VPS13B: variants seen among roughly 807,000 people sequenced by gnomAD.
VPS13B encodes the protein intermembrane lipid transfer protein VPS13B.
VPS13B carries 285 observed loss-of-function variants against 426.4 expected under a neutral mutation model. That is an observed-to-expected ratio of 0.67 (90% CI 0.61 to 0.74). The LOEUF is 0.74. Ranked by LOEUF, VPS13B falls within the 30% of genes least tolerant of loss-of-function variation. VPS13B has a pLI of 0.00. For synonymous variants in VPS13B, 1,676 were observed against 1,676.4 expected, an observed-to-expected ratio of 1.00 and a Z score of 0.01; for missense variants, 4,537 against 4,782.6, an observed-to-expected ratio of 0.95 and a Z score of 1.51.
intron 19 of VPS13B, among the ~76,000 whole-genome samples, chr8:99,288,890 A>T (rs1819579588): frequency 6.6e-6 from 1 of 152,006 alleles, no homozygotes; most frequent in South Asian, 2.1e-4. Flanking sequence ...AAAGATATTG[A>T]TTGTCATAGT....
chr8:99,745,774 G>A (rs1349244), intron 39 of VPS13B, among the ~76,000 whole-genome samples: 9,858 of 152,008 alleles, frequency 0.065, 452 homozygotes, highest in African/African-American at 0.13. Context: ...AGTTACATCT[G>A]TTCTCCACTT....
chr8:99,570,723 A>G (rs1326528141), intron 31 of VPS13B, among the ~76,000 whole-genome samples: 1 of 152,094 alleles, frequency 6.6e-6, no homozygotes. Flanking sequence ...TTTTATGTAT[A>G]TATAAAATAG....
intron 39 of VPS13B, among the ~76,000 whole-genome samples, chr8:99,736,592 A>G (rs564456533): frequency 2.0e-5 from 3 of 152,234 alleles, no homozygotes; most frequent in Middle Eastern, 3.4e-3. Context: ...CAAAAACAAC[A>G]ACAACAAAAA....
chr8:99,172,403 G>C (rs1812389599), intron 16 of VPS13B, among the ~76,000 whole-genome samples: 1 of 152,064 alleles, frequency 6.6e-6, no homozygotes, highest in Non-Finnish European at 1.5e-5. Flanking sequence ...ACAGTCTTAG[G>C]TACCTAGTTA....
intron 3 of VPS13B, among the ~76,000 whole-genome samples, chr8:99,049,222 T>C (rs1369074711): frequency 6.6e-6 from 1 of 152,188 alleles, no homozygotes; most frequent in Admixed American, 6.5e-5. Context: ...TATACCTTTT[T>C]TTTTTTCAAA....
chr8:99,442,766 A>G (rs1817736939), intron 23 of VPS13B, 131 bp downstream of exon 23: 1 of 805,726 alleles, frequency 1.2e-6, no homozygotes, highest in Admixed American at 2.3e-5. Context: ...GACCAAAGTA[A>G]GTGAACTAAG....
At chr8:99,299,098 G>A (rs934719346) in intron 19 of VPS13B, among the ~76,000 whole-genome samples, 9 of 93,392 alleles carry the variant, frequency 9.6e-5, no homozygotes, top group African/African-American at 3.8e-4. Context: ...TTTCACTCTT[G>A]TTGCCCAGGC....
chr8:99,844,692 C>CTAA (rs1282079623), intron 54 of VPS13B, among the ~76,000 whole-genome samples: 1 of 152,106 alleles, frequency 6.6e-6, no homozygotes, highest in Non-Finnish European at 1.5e-5. Context: ...TATAAGGACA[C>CTAA]TAATTGCATC....
intron 21 of VPS13B, among the ~76,000 whole-genome samples, chr8:99,425,584 T>G (rs889601300): frequency 1.3e-5 from 2 of 152,116 alleles, no homozygotes; most frequent in South Asian, 2.1e-4. Context: ...TAAGAGCTAT[T>G]TATGACAAAC....
At chr8:99,500,392 TTGATAA>T (rs1236496806) in intron 25 of VPS13B, among the ~76,000 whole-genome samples, 4 of 152,156 alleles carry the variant, frequency 2.6e-5, no homozygotes, top group African/African-American at 9.7e-5. Context: ...TTAGTTCAAC[TTGATAA>T]TGATAATTAT....
intron 44 of VPS13B, among the ~76,000 whole-genome samples, chr8:99,812,200 A>T (rs1421422771): frequency 6.6e-6 from 1 of 152,172 alleles, no homozygotes; most frequent in Non-Finnish European, 1.5e-5. Context: ...CACACCCACA[A>T]GCAAAAATGT....
chr8:99,757,345 A>T (rs190793217), intron 39 of VPS13B, among the ~76,000 whole-genome samples: 4 of 152,290 alleles, frequency 2.6e-5, no homozygotes, highest in Admixed American at 2.0e-4. Flanking sequence ...ATCAGTTGCT[A>T]GATCTCCCCT....
At chr8:99,396,337 T>G (rs1468125747) in intron 21 of VPS13B, among the ~76,000 whole-genome samples, 1 of 152,096 alleles carries the variant, frequency 6.6e-6, no homozygotes, top group African/African-American at 2.4e-5. Context: ...AAGCAACTTA[T>G]CCAAAGTTAA....
chr8:99,608,842 T>C lies in VPS13B; in HGVS notation c.5220+31209T>C, dbSNP rs1206909294. Among the ~76,000 whole-genome samples the C allele has an allele frequency of 2.0e-5, 3 of 152,260 alleles. No homozygotes were observed. In the East Asian group the frequency reaches 5.8e-4, roughly 29 times the overall value. On this transcript the variant is annotated intron_variant, in intron 33 of 61. Transcript: ENST00000357162. Reference sequence around the variant, plus strand: ...CCTGTATCAGTATTTACTTTTATTGTTGAGTAATATTTTATTGTATAGATA... The same window carrying C: ...CCTGTATCAGTATTTACTTTTATTGCTGAGTAATATTTTATTGTATAGATA...
intron 19 of VPS13B, among the ~76,000 whole-genome samples, chr8:99,282,397 T>C (rs1819215445): frequency 6.6e-6 from 1 of 152,204 alleles, no homozygotes; most frequent in Admixed American, 6.5e-5. Context: ...TATAGGGAAC[T>C]TCTATTCAGT....
chr8:99,707,460 C>T (rs1455163900), intron 36 of VPS13B, among the ~76,000 whole-genome samples: 1 of 152,134 alleles, frequency 6.6e-6, no homozygotes, highest in Non-Finnish European at 1.5e-5. Flanking sequence ...TACTAAATGT[C>T]AGAGCTGAAA....
At chr8:99,578,575 T>A (rs867722086) in intron 33 of VPS13B, among the ~76,000 whole-genome samples, 2 of 152,146 alleles carry the variant, frequency 1.3e-5, no homozygotes. Context: ...CAATATCTAT[T>A]GTAAAAGGAC....
At chr8:99,232,130 C>T (rs893227105) in intron 17 of VPS13B, among the ~76,000 whole-genome samples, 5 of 150,234 alleles carry the variant, frequency 3.3e-5, no homozygotes, top group Middle Eastern at 3.4e-3. Flanking sequence ...GGTGGTGTTG[C>T]GTAGATATGG....
intron 23 of VPS13B, among the ~76,000 whole-genome samples, chr8:99,466,331 A>C (rs989045430): frequency 2.6e-5 from 4 of 152,134 alleles, no homozygotes; most frequent in Non-Finnish European, 4.4e-5. Flanking sequence ...TAATTAGAAA[A>C]TAAATGTCCT....
Sources: allele counts gnomAD v4.1 joint callset (sites outside exome capture counted in the v4.1 genomes callset), GRCh38; gene constraint gnomAD v4.1.1; transcripts MANE v1.5; gene names NCBI Gene and HGNC (gene_info 2026-07-23, HGNC 2026-07-21).